The following GRM5 variants were observed in gnomAD, a reference collection of about 807,000 sequenced individuals.
GRM5 encodes the protein metabotropic glutamate receptor 5.
A neutral mutation model predicts 83.1 loss-of-function variants in GRM5; 19 were observed. That is an observed-to-expected ratio of 0.23 (90% confidence interval 0.16 to 0.34). The LOEUF (loss-of-function observed/expected upper bound fraction) is 0.34. Ranked by LOEUF, GRM5 falls within the 10% of genes least tolerant of loss-of-function variation. GRM5 has a pLI of 1.00. For synonymous variants in GRM5, 675 were observed against 633.6 expected, an observed-to-expected ratio of 1.07 and a Z score of -0.98; for missense variants, 1,160 against 1,588.3, an observed-to-expected ratio of 0.73 and a Z score of 4.58.
intron 1 of GRM5, among the ~76,000 whole-genome samples, chr11:89,052,524 T>C (rs540098827): frequency 4.6e-5 from 7 of 152,324 alleles, no homozygotes; most frequent in African/African-American, 1.7e-4. Flanking sequence ...CTATATTCCA[T>C]GTACATTCTA....
chr11:88,739,105 C>A (rs914957780), intron 3 of GRM5, among the ~76,000 whole-genome samples: 10 of 151,986 alleles, frequency 6.6e-5, no homozygotes, highest in African/African-American at 2.4e-4. Flanking sequence ...ATTTTATATC[C>A]TTTACTAGAC....
At chr11:88,838,413 A>T (rs1439182452) in intron 3 of GRM5, among the ~76,000 whole-genome samples, 1 of 152,100 alleles carries the variant, frequency 6.6e-6, no homozygotes, top group Non-Finnish European at 1.5e-5. Context: ...CTGTTCTCTG[A>T]ACCTGAGTTT....
chr11:88,747,187 G>T (rs1464304333), intron 3 of GRM5, among the ~76,000 whole-genome samples: 1 of 152,074 alleles, frequency 6.6e-6, no homozygotes, highest in African/African-American at 2.4e-5. Flanking sequence ...ACGAGTTAAG[G>T]CTTCAAAACT....
chr11:88,547,620 C>G (rs1942414186), intron 8 of GRM5, among the ~76,000 whole-genome samples: 1 of 152,100 alleles, frequency 6.6e-6, no homozygotes, highest in Non-Finnish European at 1.5e-5. Context: ...AATTCTATAC[C>G]TGATTCCATC....
At chr11:88,738,845 C>T (rs1941971246) in intron 3 of GRM5, among the ~76,000 whole-genome samples, 1 of 152,032 alleles carries the variant, frequency 6.6e-6, no homozygotes, top group Non-Finnish European at 1.5e-5. Context: ...CTACAAATAC[C>T]CAATGCTCCA....
chr11:88,510,183 A>G (rs1453461360), intron 9 of GRM5, among the ~76,000 whole-genome samples: 1 of 152,238 alleles, frequency 6.6e-6, no homozygotes, highest in Non-Finnish European at 1.5e-5. Flanking sequence ...AATTCACCTC[A>G]CAAATGTATT....
chr11:88,981,939 C>T (rs537334341), intron 2 of GRM5, among the ~76,000 whole-genome samples: 1 of 152,116 alleles, frequency 6.6e-6, no homozygotes, highest in East Asian at 1.9e-4. Context: ...ATTGATCAGC[C>T]ATGTTAGTTT....
intron 2 of GRM5, among the ~76,000 whole-genome samples, chr11:88,921,968 A>G (rs1439209135): frequency 6.6e-6 from 1 of 152,102 alleles, no homozygotes; most frequent in Non-Finnish European, 1.5e-5. Flanking sequence ...TGAAAAAGAA[A>G]TCAAGAAAGT....
chr11:88,764,463 T>TAAG (rs1942588622), intron 3 of GRM5, among the ~76,000 whole-genome samples: 1 of 151,662 alleles, frequency 6.6e-6, no homozygotes, highest in Non-Finnish European at 1.5e-5. Context: ...TACCACAAAT[T>TAAG]AAGTCTCAAT....
Position 88,622,093 on chromosome 11 carries a change from A to G in GRM5, c.1148-17129T>C, listed in dbSNP as rs568037312. 2.7e-3 allele frequency among the ~76,000 whole-genome samples: 404 copies of G among 151,780 alleles called. 1 individual carries two copies. Among genetic ancestry groups the G allele is most frequent in the African/African-American group, 9.1e-3 (378 of 41,344 alleles). ...GATATTCCTTTAAAATCACAACACT[A>G]TTTTCAACCATGGCAATAATTATTT... On this transcript the variant is annotated intron_variant, in intron 4 of 9. Transcript: ENST00000305447.
intron 2 of GRM5, among the ~76,000 whole-genome samples, chr11:89,002,341 C>T (rs1338974127): frequency 6.6e-6 from 1 of 152,174 alleles, no homozygotes; most frequent in East Asian, 1.9e-4. Context: ...ACCGGATATG[C>T]ACTGATTTTG....
intron 3 of GRM5, among the ~76,000 whole-genome samples, chr11:88,759,599 G>A (rs1206082802): frequency 6.6e-6 from 1 of 152,124 alleles, no homozygotes; most frequent in African/African-American, 2.4e-5. Flanking sequence ...GACCTACAAA[G>A]GGACTTAGAT....
At chr11:88,783,165 T>G (rs183606906) in intron 3 of GRM5, among the ~76,000 whole-genome samples, 1 of 152,284 alleles carries the variant, frequency 6.6e-6, no homozygotes, top group East Asian at 1.9e-4. Flanking sequence ...GAAAACATTT[T>G]CCCATAATCT....
intron 2 of GRM5, among the ~76,000 whole-genome samples, chr11:89,014,782 T>C (rs901733750): frequency 6.6e-6 from 1 of 152,186 alleles, no homozygotes; most frequent in Admixed American, 6.6e-5. Context: ...AAACATCTCA[T>C]GTAACCCATA....
chr11:88,617,737 A>G (rs76869147), intron 4 of GRM5, among the ~76,000 whole-genome samples: 7,931 of 152,108 alleles, frequency 0.052, 420 homozygotes, highest in Admixed American at 0.16. Context: ...GCGGGGGAAA[A>G]TTCTCTGTTG....
At position 89,046,252 on chromosome 11, in the gene GRM5, T is replaced by C. The variant is rs138285802; in HGVS notation, c.661+960A>G. ...AATTCCACATTTTACCAGACCGAAA[T>C]ATTTGGACTATATTGATATGTTAAT... On this transcript the variant is annotated intron_variant, in intron 2 of 9. Coordinates refer to ENST00000305447, the MANE Select transcript of GRM5 (RefSeq NM_001143831.3). Among the ~76,000 whole-genome samples, 207 of 152,300 alleles carry C rather than the reference T, an allele frequency of 1.4e-3. 1 individual carries two copies. Among genetic ancestry groups the C allele is most frequent in the African/African-American group, 4.6e-3 (191 of 41,576 alleles).
intron 2 of GRM5, among the ~76,000 whole-genome samples, chr11:88,875,643 A>T (rs1169464679): frequency 6.6e-6 from 1 of 152,112 alleles, no homozygotes; most frequent in African/African-American, 2.4e-5. Flanking sequence ...ATTATGAAAT[A>T]TATTTCTGAA....
At chr11:88,889,479 T>C (rs1343517829) in intron 2 of GRM5, among the ~76,000 whole-genome samples, 4 of 152,174 alleles carry the variant, frequency 2.6e-5, no homozygotes, top group Admixed American at 1.3e-4. Context: ...TGTTACATCG[T>C]AACATAATTA....
chr11:88,872,756 A>G (rs1023456055), intron 2 of GRM5, among the ~76,000 whole-genome samples: 6 of 151,460 alleles, frequency 4.0e-5, no homozygotes, highest in Non-Finnish European at 8.9e-5. Flanking sequence ...GCATATTACT[A>G]GAAAAAATCA....
Sources: gnomAD v4.1 joint callset for allele counts (sites outside exome capture counted in the v4.1 genomes callset) on GRCh38, gnomAD v4.1.1 for gene constraint, MANE v1.5 for transcripts, NCBI Gene and HGNC (gene_info 2026-07-23, HGNC 2026-07-21) for gene names.